The following PTBP3 variants were observed in gnomAD, a reference collection of about 807,000 sequenced individuals.
PTBP3 encodes the protein polypyrimidine tract binding protein 3.
A neutral mutation model predicts 58.7 loss-of-function variants in PTBP3; 20 were observed. The observed-to-expected ratio is 0.34, with a 90% CI of 0.24 to 0.50. PTBP3 has a LOEUF of 0.50. Ranked by LOEUF, PTBP3 falls within the 20% of genes least tolerant of loss-of-function variation. The pLI is 0.98. For synonymous variants in PTBP3, 185 were observed against 219.8 expected (o/e 0.84, Z 1.40); for missense variants, 509 against 637.2 (o/e 0.80, Z 2.17).
At chr9:112,349,591 G>A in the PTBP3 span, among the ~76,000 whole-genome samples, 1 of 152,012 alleles carries the variant, frequency 6.6e-6, no homozygotes, top group Non-Finnish European at 1.5e-5. Context: ...AGGCGCGGTG[G>A]CTCACACTAG....
chr9:112,256,294 C>G, intron 5 of PTBP3, among the ~76,000 whole-genome samples: 1 of 59,040 alleles, frequency 1.7e-5, no homozygotes, highest in Non-Finnish European at 2.9e-5. Context: ...TATATATATA[C>G]ATATATATAT....
chr9:112,246,394 A>G (rs1008429351), intron 7 of PTBP3, among the ~76,000 whole-genome samples: 1 of 152,088 alleles, frequency 6.6e-6, no homozygotes, highest in South Asian at 2.1e-4. Context: ...TTGGCAACAG[A>G]TGTGAAAAAT....
At chr9:112,266,441 C>T (rs1224475564) in intron 4 of PTBP3, among the ~76,000 whole-genome samples, 1 of 152,132 alleles carries the variant, frequency 6.6e-6, no homozygotes, top group African/African-American at 2.4e-5. Flanking sequence ...AATCATGCAA[C>T]ATATACCAAA....
At chr9:112,247,065 CAAGA>C (rs1835908430) in intron 7 of PTBP3, among the ~76,000 whole-genome samples, 1 of 151,946 alleles carries the variant, frequency 6.6e-6, no homozygotes, top group Admixed American at 6.6e-5. Flanking sequence ...TCTGTCTCTA[CAAGA>C]AAGTAAAAAT....
intron 1 of PTBP3, among the ~76,000 whole-genome samples, chr9:112,301,564 A>T (rs1198704004): frequency 6.6e-6 from 1 of 152,220 alleles, no homozygotes; most frequent in Non-Finnish European, 1.5e-5. Flanking sequence ...AATTATAGAG[A>T]TGGAAAACAG....
At chr9:112,332,795 AT>A (rs777991330) in intron 1 of PTBP3, 2 of 1,612,554 alleles carry the variant, frequency 1.2e-6, no homozygotes, top group Non-Finnish European at 1.7e-6. Flanking sequence ...CGGGCAGATA[AT>A]TCATTAAGTT....
chr9:112,368,068 C>T, the PTBP3 span, among the ~76,000 whole-genome samples: 1 of 152,160 alleles, frequency 6.6e-6, no homozygotes, highest in Non-Finnish European at 1.5e-5. Flanking sequence ...AATCTTGGTT[C>T]ACTGCAAACT....
the PTBP3 span, among the ~76,000 whole-genome samples, chr9:112,376,315 G>A: frequency 1.4e-5 from 2 of 144,170 alleles, no homozygotes; most frequent in South Asian, 2.2e-4. Context: ...GTGCAGTGGC[G>A]TGGTCTCCGC....
intron 1 of PTBP3, among the ~76,000 whole-genome samples, chr9:112,332,296 G>A (rs899570750): frequency 6.6e-6 from 1 of 152,168 alleles, no homozygotes; most frequent in Non-Finnish European, 1.5e-5. Context: ...GCATTCAAAT[G>A]AATCAATCCG....
At chr9:112,262,130 A>G (rs1371164401) in intron 5 of PTBP3, among the ~76,000 whole-genome samples, 1 of 152,118 alleles carries the variant, frequency 6.6e-6, no homozygotes, top group Non-Finnish European at 1.5e-5. Flanking sequence ...CAACGGTGAC[A>G]TTACTTTCTA....
chr9:112,228,373 T>G lies in PTBP3; in HGVS notation c.1147+7A>C. 1 of 1,574,238 alleles carries G rather than the reference T, an allele frequency of 6.4e-7. No individual in the cohort carries two copies. The highest frequency in any genetic ancestry group is 8.6e-7 in the Non-Finnish European group (1 of 1,160,722). ...CATTATTATTAATAATTATTAATCA[T>G]TAGTACCTAGCTGAGCTTGATTTGC... On this transcript the variant is annotated splice_region_variant and intron_variant, in intron 11 of 13. Coordinates refer to ENST00000374257, the MANE Select transcript of PTBP3 (RefSeq NM_001163788.4).
intron 1 of PTBP3, among the ~76,000 whole-genome samples, chr9:112,314,692 A>C (rs944515211): frequency 6.6e-6 from 1 of 152,272 alleles, no homozygotes; most frequent in South Asian, 2.1e-4. Context: ...ACAAAAAAGA[A>C]ACACCTCACA....
intron 1 of PTBP3, among the ~76,000 whole-genome samples, chr9:112,301,445 T>G (rs529015673): frequency 2.7e-4 from 27 of 98,636 alleles, no homozygotes; most frequent in African/African-American, 1.2e-3. Context: ...TTTGGTGTTT[T>G]CTGAAAAAAA....
chr9:112,297,722 T>G, intron 2 of PTBP3, 110 bp downstream of exon 2: 1 of 860,924 alleles, frequency 1.2e-6, no homozygotes, highest in East Asian at 2.7e-5. Context: ...AATTTTAGCT[T>G]TTGTTATGAA....
At chr9:112,295,419 G>GAA (rs36030832) in intron 2 of PTBP3, among the ~76,000 whole-genome samples, 239 of 142,464 alleles carry the variant, frequency 1.7e-3, no homozygotes, top group African/African-American at 3.6e-3. Flanking sequence ...AAGATTGGAG[G>GAA]AAAAAAAAAA....
the PTBP3 span, among the ~76,000 whole-genome samples, chr9:112,369,757 G>A: frequency 6.6e-6 from 1 of 152,122 alleles, no homozygotes; most frequent in East Asian, 1.9e-4. Flanking sequence ...GGAGATTTGG[G>A]AGAGGCCAGG....
At chr9:112,330,319 T>G in intron 1 of PTBP3, 1 of 700,634 alleles carries the variant, frequency 1.4e-6, no homozygotes, top group Non-Finnish European at 2.4e-6. Context: ...CTACTTATTT[T>G]GGAGCTAAGT....
the PTBP3 span, among the ~76,000 whole-genome samples, chr9:112,351,228 A>C: frequency 1.3e-5 from 2 of 152,192 alleles, no homozygotes; most frequent in East Asian, 3.8e-4. Context: ...TGGCTGTGAC[A>C]GTTTCTCACT....
chr9:112,339,627 G>T, the PTBP3 span, among the ~76,000 whole-genome samples: 2 of 148,458 alleles, frequency 1.3e-5, no homozygotes, highest in Admixed American at 6.8e-5. Context: ...GCAGTGGAAT[G>T]ATCTCGGCTC....
Sources: allele counts gnomAD v4.1 joint callset (sites outside exome capture counted in the v4.1 genomes callset), GRCh38; gene constraint gnomAD v4.1.1; transcripts MANE v1.5; gene names NCBI Gene and HGNC (gene_info 2026-07-23, HGNC 2026-07-21).